The following PCDH11X variants were observed in gnomAD, a reference collection of about 807,000 sequenced individuals.
The protein encoded by PCDH11X is protocadherin 11 X-linked.
PCDH11X carries 18 observed loss-of-function variants against 53.3 expected under a neutral mutation model. The observed-to-expected ratio is 0.34, with a 90% CI of 0.23 to 0.50. The LOEUF (loss-of-function observed/expected upper bound fraction) is 0.50, where lower values mean the gene tolerates loss of function less well. PCDH11X is among the 20% of genes least tolerant of loss of function. The pLI is 0.98. For synonymous variants in PCDH11X, 279 were observed against 393.3 expected, an observed-to-expected ratio of 0.71 and a Z score of 3.44; for missense variants, 570 against 1,032.4, an observed-to-expected ratio of 0.55 and a Z score of 6.14.
intron 10 of PCDH11X, among the ~76,000 whole-genome samples, chrX:92,598,002 C>A (rs1404368692): frequency 9.0e-6 from 1 of 111,602 alleles, no homozygotes; most frequent in Non-Finnish European, 1.9e-5. Context: ...AGATCCCTAT[C>A]TCTCACCATA....
intron 10 of PCDH11X, among the ~76,000 whole-genome samples, chrX:92,476,198 T>A (rs1195231597): frequency 9.0e-6 from 1 of 111,366 alleles, no homozygotes; most frequent in Non-Finnish European, 1.9e-5. Context: ...GTAACTTTGC[T>A]CTTCCTTGCC....
chrX:91,995,181 T>C (rs2062393211), intron 6 of PCDH11X, among the ~76,000 whole-genome samples: 1 of 108,175 alleles, frequency 9.2e-6, no homozygotes, highest in African/African-American at 3.4e-5. Context: ...ATTGTTTATC[T>C]TTGCATTTGT....
In PCDH11X at chrX:92,585,483, T is replaced by G. The variant is rs1009230459; in HGVS notation, c.3368-32781T>G. 8.4e-5 allele frequency among the ~76,000 whole-genome samples: 9 copies of G among 107,368 alleles called. No individual in the cohort carries two copies. In the Admixed American group the frequency reaches 9.0e-4, roughly 11 times the overall value. The allele number at this position is 107,368 out of a possible 115,157, so 93.2% of individuals were successfully genotyped here. A position where few individuals can be genotyped will look rare whatever the true frequency, so the allele number is the denominator to read the frequency against. ...GCCTCCCGGGTTCATGCCATTCTCCTGCCTCAGCCTCCCGAGTAGCTGGGA... is the reference window on the plus strand; with the variant it reads ...GCCTCCCGGGTTCATGCCATTCTCCGGCCTCAGCCTCCCGAGTAGCTGGGA... On this transcript the variant is annotated intron_variant, in intron 10 of 10. Coordinates refer to ENST00000682573, the MANE Select transcript of PCDH11X (RefSeq NM_032968.5).
chrX:92,249,140 T>G (rs896749003), intron 7 of PCDH11X, among the ~76,000 whole-genome samples: 1 of 111,255 alleles, frequency 9.0e-6, no homozygotes, highest in Non-Finnish European at 1.9e-5. Context: ...CATACTATTA[T>G]CTAATATGAA....
chrX:92,514,591 T>TGGG (rs760305289), intron 10 of PCDH11X, among the ~76,000 whole-genome samples: 2 of 103,360 alleles, frequency 1.9e-5, no homozygotes, highest in Non-Finnish European at 3.9e-5. Context: ...AATAGCTGGG[T>TGGG]GTGGTGGCGT....
chrX:92,514,769 C>T (rs184767261), intron 10 of PCDH11X, among the ~76,000 whole-genome samples: 1 of 106,639 alleles, frequency 9.4e-6, no homozygotes, highest in African/African-American at 3.4e-5. Flanking sequence ...ATCACCCGGC[C>T]GGGCGTGGTG....
At chrX:92,097,412 A>G (rs1047040615) in intron 6 of PCDH11X, among the ~76,000 whole-genome samples, 6 of 86,099 alleles carry the variant, frequency 7.0e-5, no homozygotes, top group Non-Finnish European at 8.8e-5. Context: ...CTTGTCTCAG[A>G]AAAAAAAAAA....
At chrX:92,403,114 C>G (rs1235831986) in intron 9 of PCDH11X, among the ~76,000 whole-genome samples, 1 of 107,852 alleles carries the variant, frequency 9.3e-6, no homozygotes, top group African/African-American at 3.4e-5. Context: ...CAAAAGAATA[C>G]AACGAATAAA....
intron 9 of PCDH11X, among the ~76,000 whole-genome samples, chrX:92,432,805 C>T (rs1264511261): frequency 9.3e-6 from 1 of 107,378 alleles, no homozygotes; most frequent in Non-Finnish European, 1.9e-5. Context: ...ATAATTAGAG[C>T]TCTGAATCAT....
chrX:92,257,917 T>G (rs752367679), intron 7 of PCDH11X, among the ~76,000 whole-genome samples: 1 of 111,908 alleles, frequency 8.9e-6, no homozygotes, highest in Non-Finnish European at 1.9e-5. Context: ...ACAGTTCCAC[T>G]AGGCAGTGCC....
intron 6 of PCDH11X, among the ~76,000 whole-genome samples, chrX:91,990,345 A>ATTTT (rs61496530): frequency 3.3e-5 from 3 of 90,373 alleles, no homozygotes; most frequent in African/African-American, 8.8e-5. Flanking sequence ...GAAACTTTCT[A>ATTTT]TTTTTTTTTT....
chrX:92,233,369 G>T (rs1471674605), intron 7 of PCDH11X, among the ~76,000 whole-genome samples: 1 of 111,132 alleles, frequency 9.0e-6, no homozygotes, highest in African/African-American at 3.3e-5. Flanking sequence ...GGAACAATAT[G>T]ACATAGGCCT....
intron 6 of PCDH11X, among the ~76,000 whole-genome samples, chrX:91,973,212 C>T (rs1423401139): frequency 1.7e-4 from 17 of 98,033 alleles, no homozygotes; most frequent in African/African-American, 6.5e-4. Context: ...ACCGCATATT[C>T]TCACTCATAG....
intron 10 of PCDH11X, among the ~76,000 whole-genome samples, chrX:92,591,782 G>A (rs1462460644): frequency 9.0e-6 from 1 of 110,940 alleles, no homozygotes; most frequent in Non-Finnish European, 1.9e-5. Context: ...CCCTGGGTGA[G>A]CTTTGTCTTA....
At chrX:91,909,780 G>A (rs1022835527) in intron 6 of PCDH11X, among the ~76,000 whole-genome samples, 2 of 110,229 alleles carry the variant, frequency 1.8e-5, no homozygotes, top group African/African-American at 6.6e-5. Flanking sequence ...TTTTTTTCTC[G>A]GATTTATTGA....
intron 4 of PCDH11X, among the ~76,000 whole-genome samples, chrX:91,816,040 A>G (rs1204980024): frequency 1.8e-5 from 2 of 109,100 alleles, no homozygotes; most frequent in African/African-American, 6.8e-5. Flanking sequence ...AGGCAGGAGA[A>G]TCACTTGAAC....
At chrX:92,374,742 G>A (rs2070701038) in intron 8 of PCDH11X, among the ~76,000 whole-genome samples, 1 of 111,012 alleles carries the variant, frequency 9.0e-6, no homozygotes, top group African/African-American at 3.3e-5. Context: ...TTTAACAAAT[G>A]TTACACTGTT....
At chrX:92,068,818 G>C (rs1458484189) in intron 6 of PCDH11X, among the ~76,000 whole-genome samples, 1 of 110,745 alleles carries the variant, frequency 9.0e-6, no homozygotes, top group Non-Finnish European at 1.9e-5. Context: ...GTGATTACAG[G>C]TGTGAGCCAC....
chrX:92,004,282 C>G (rs1408907643), intron 6 of PCDH11X, among the ~76,000 whole-genome samples: 1 of 111,658 alleles, frequency 9.0e-6, no homozygotes, highest in African/African-American at 3.2e-5. Flanking sequence ...TGTCTTAAGA[C>G]ATATTTTGTG....
Sources: allele counts gnomAD v4.1 joint callset (sites outside exome capture counted in the v4.1 genomes callset), GRCh38; gene constraint gnomAD v4.1.1; transcripts MANE v1.5; gene names NCBI Gene and HGNC (gene_info 2026-07-23, HGNC 2026-07-21).